Variants in UNC79 observed in about 807,000 individuals in gnomAD.
UNC79 encodes the protein protein unc-79 homolog.
A neutral mutation model predicts 283.1 loss-of-function variants in UNC79; 37 were observed. The ratio of observed to expected loss-of-function variants is 0.13; its 90% confidence interval spans 0.10 to 0.17. The LOEUF is 0.17. UNC79 is among the 10% of genes least tolerant of loss of function. The probability of loss-of-function intolerance (pLI) is 1.00; values close to 1 mark genes in which losing one functional copy is unlikely to be tolerated. For missense variants in UNC79, 2,272 were observed against 3,211.1 expected (o/e 0.71, Z 7.07); for synonymous variants, 1,107 against 1,200.2 (o/e 0.92, Z 1.61).
intron 14 of UNC79, among the ~76,000 whole-genome samples, chr14:93,548,017 AAAAC>A (rs1181742960): frequency 1.3e-5 from 2 of 152,048 alleles, no homozygotes; most frequent in African/African-American, 2.4e-5. Flanking sequence ...ATCAAAAACA[AAAAC>A]AAAAACAAAA....
intron 14 of UNC79, among the ~76,000 whole-genome samples, chr14:93,555,453 G>A (rs898446421): frequency 6.6e-6 from 1 of 152,040 alleles, no homozygotes; most frequent in African/African-American, 2.4e-5. Context: ...ACCCAGGCTG[G>A]AGAGCAGTGG....
intron 38 of UNC79, among the ~76,000 whole-genome samples, chr14:93,656,949 G>C (rs772198019): frequency 9.9e-5 from 15 of 152,190 alleles, no homozygotes; most frequent in Non-Finnish European, 2.1e-4. Context: ...TGTAACATAA[G>C]ATACTTGATA....
In UNC79 at chr14:93,600,749, A is replaced by G. The variant is rs751636100; in HGVS notation, c.3553A>G (p.Lys1185Glu). ...AGCCCAGCTACATTTGGATTGTAACAAGGAATTTCCTTTTCCTACAAGTAA... is the reference window on the plus strand; with the variant it reads ...AGCCCAGCTACATTTGGATTGTAACGAGGAATTTCCTTTTCCTACAAGTAA... The change falls in exon 25 of 49, where the codon AAG becomes GAG. Residue 1185 changes from lysine to glutamate, a missense_variant. This residue lies in a region of UNC79 where 237 missense variants were observed against 378.9 expected (regional missense o/e 0.63). Transcript: ENST00000555664. The G allele has an allele frequency of 3.1e-6, 5 of 1,613,372 alleles. No homozygotes were observed. In the East Asian group the frequency reaches 1.1e-4, roughly 36 times the overall value.
chr14:93,354,580 C>T (rs1286770673), intron 1 of UNC79, among the ~76,000 whole-genome samples: 2 of 152,228 alleles, frequency 1.3e-5, no homozygotes, highest in African/African-American at 2.4e-5. Context: ...TTACTGTACC[C>T]TTGACATCCT....
intron 1 of UNC79, among the ~76,000 whole-genome samples, chr14:93,465,797 C>A (rs2140248349): frequency 6.6e-6 from 1 of 152,216 alleles, no homozygotes; most frequent in East Asian, 1.9e-4. Context: ...AATGGTATTC[C>A]TGAAATACTC....
intron 1 of UNC79, among the ~76,000 whole-genome samples, chr14:93,357,851 A>T (rs2054135984): frequency 1.2e-5 from 1 of 85,560 alleles, no homozygotes; most frequent in Non-Finnish European, 2.6e-5. Context: ...ATATGGATAT[A>T]TGGATATATA....
chr14:93,447,145 A>G (rs2056485144), intron 1 of UNC79, among the ~76,000 whole-genome samples: 1 of 152,096 alleles, frequency 6.6e-6, no homozygotes, highest in African/African-American at 2.4e-5. Context: ...CCTTGTTAAT[A>G]TATTTTGCTT....
chr14:93,336,898 G>A (rs1400594449), intron 1 of UNC79, among the ~76,000 whole-genome samples: 1 of 152,006 alleles, frequency 6.6e-6, no homozygotes, highest in East Asian at 1.9e-4. Context: ...GGACCTGGTG[G>A]GAGGTGTTTG....
chr14:93,338,287 C>T (rs960268687), intron 1 of UNC79, among the ~76,000 whole-genome samples: 1 of 152,058 alleles, frequency 6.6e-6, no homozygotes, highest in South Asian at 2.1e-4. Flanking sequence ...GTGTGCACCA[C>T]CTCCCACCGA....
At chr14:93,467,827 A>G (rs2057291758) in intron 2 of UNC79, 36 bp downstream of exon 2, 10 of 1,467,380 alleles carry the variant, frequency 6.8e-6, no homozygotes, top group African/African-American at 4.4e-5. Context: ...TGAGAGAATT[A>G]TTAGGTAGTA....
At chr14:93,702,806 A>G (rs896612519) in intron 47 of UNC79, among the ~76,000 whole-genome samples, 1 of 152,234 alleles carries the variant, frequency 6.6e-6, no homozygotes, top group Non-Finnish European at 1.5e-5. Context: ...TTGTCTCTGC[A>G]GGTGGAATCC....
At chr14:93,524,333 C>G (rs1212611890) in intron 8 of UNC79, among the ~76,000 whole-genome samples, 2 of 152,182 alleles carry the variant, frequency 1.3e-5, no homozygotes, top group Non-Finnish European at 2.9e-5. Flanking sequence ...TAACTGGTTT[C>G]TATTTCAGCT....
chr14:93,532,369 G>A (rs1011595968), intron 10 of UNC79, among the ~76,000 whole-genome samples, 181 bp from the exon 11 acceptor site: 1 of 151,926 alleles, frequency 6.6e-6, no homozygotes, highest in Non-Finnish European at 1.5e-5. Flanking sequence ...CTTAGAAGGC[G>A]AGTCAGGAGG....
chr14:93,360,584 G>A (rs1327398931), intron 1 of UNC79, among the ~76,000 whole-genome samples: 1 of 152,228 alleles, frequency 6.6e-6, no homozygotes, highest in African/African-American at 2.4e-5. Context: ...AGGCCCACCA[G>A]AAGCAATTTG....
chr14:93,679,850 C>T (rs1341181142), intron 41 of UNC79, among the ~76,000 whole-genome samples: 7 of 152,270 alleles, frequency 4.6e-5, no homozygotes, highest in Middle Eastern at 3.4e-3. Context: ...CCTTCGACAG[C>T]GATCATCATT....
At chr14:93,344,251 A>G (rs1047011715) in intron 1 of UNC79, among the ~76,000 whole-genome samples, 3 of 152,198 alleles carry the variant, frequency 2.0e-5, no homozygotes, top group Non-Finnish European at 4.4e-5. Flanking sequence ...GCTTTTTAAA[A>G]ATTAAAAATG....
intron 35 of UNC79, among the ~76,000 whole-genome samples, chr14:93,652,202 G>GT (rs1262013013): frequency 6.6e-6 from 1 of 151,998 alleles, no homozygotes; most frequent in African/African-American, 2.4e-5. Context: ...GTAGCTATAG[G>GT]TTTTTTTATA....
chr14:93,389,029 A>G (rs2054832489), intron 1 of UNC79, among the ~76,000 whole-genome samples: 1 of 152,156 alleles, frequency 6.6e-6, no homozygotes, highest in Non-Finnish European at 1.5e-5. Context: ...TTGTATCATG[A>G]ATTTGGCTTC....
intron 47 of UNC79, among the ~76,000 whole-genome samples, chr14:93,699,164 T>C (rs1407379114): frequency 1.3e-5 from 2 of 152,256 alleles, no homozygotes; most frequent in East Asian, 3.8e-4. Context: ...TTGAGGTTTT[T>C]AGATCATTTT....
Sources: gnomAD v4.1 joint callset for allele counts (sites outside exome capture counted in the v4.1 genomes callset) on GRCh38, gnomAD v4.1.1 for gene constraint, gnomAD v4.1.1 regional missense constraint, MANE v1.5 for transcripts, NCBI Gene and HGNC (gene_info 2026-07-23, HGNC 2026-07-21) for gene names.